SNAPC3: variants seen among roughly 807,000 people sequenced by gnomAD.
The protein encoded by SNAPC3 is snRNA-activating protein complex subunit 3.
SNAPC3 carries 56 observed loss-of-function variants against 47.7 expected under a neutral mutation model. That is an observed-to-expected ratio of 1.18 (90% CI 0.95 to 1.47). SNAPC3 has a LOEUF of 1.47. Among genes scored for constraint, SNAPC3 ranks in the 40% most tolerant of loss-of-function variants. SNAPC3 has a pLI of 0.00. For missense variants in SNAPC3, 665 were observed against 511.3 expected (o/e 1.30, Z -2.90); for synonymous variants, 235 against 189.9 (o/e 1.24, Z -1.95).
At chr9:15,436,067 C>T (rs1025962296) in intron 3 of SNAPC3, among the ~76,000 whole-genome samples, 25 of 152,172 alleles carry the variant, frequency 1.6e-4, no homozygotes, top group African/African-American at 5.6e-4. Context: ...TGGTCTCGAA[C>T]TCCTGACCTC....
intron 7 of SNAPC3, among the ~76,000 whole-genome samples, chr9:15,455,435 T>C (rs1386440300): frequency 1.3e-5 from 2 of 152,072 alleles, no homozygotes; most frequent in African/African-American, 4.8e-5. Context: ...GGTGTGGTGA[T>C]GGGCGTCTGT....
At chr9:15,454,821 C>G (rs2034653919) in intron 7 of SNAPC3, among the ~76,000 whole-genome samples, 1 of 152,162 alleles carries the variant, frequency 6.6e-6, no homozygotes, top group Non-Finnish European at 1.5e-5. Flanking sequence ...GTAGTCCTAG[C>G]TACTCGGGAG....
In SNAPC3 at chr9:15,433,645, G is replaced by C. The variant is rs754808393; in HGVS notation, c.477+9G>C. On this transcript the variant is annotated intron_variant, in intron 3 of 8. Transcript: ENST00000380821. The stretch of plus-strand genomic sequence containing the variant: ...CATTCGTTTATGAGATGGTAATTAA[G>C]AGTCTCATCTTTTTCACCCTTTTCT... 2 of 1,528,446 alleles carry C rather than the reference G, an allele frequency of 1.3e-6. No individual in the cohort carries two copies. Among genetic ancestry groups the C allele is most frequent in the African/African-American group, 1.4e-5 (1 of 72,952 alleles). 94.7% of individuals were successfully genotyped at this position (1,528,446 alleles called of 1,614,324 possible). A position where few individuals can be genotyped will look rare whatever the true frequency, so the allele number is the denominator to read the frequency against.
At chr9:15,463,931 A>G (rs2035428081), downstream of SNAPC3, 1 of 160,826 alleles carries the variant, frequency 6.2e-6, no homozygotes, top group Admixed American at 6.5e-5. Context: ...TCTTGAGCTT[A>G]CTGTTTAGTT....
At chr9:15,434,137 G>T (rs1034799040) in intron 3 of SNAPC3, among the ~76,000 whole-genome samples, 2 of 151,984 alleles carry the variant, frequency 1.3e-5, no homozygotes, top group Non-Finnish European at 2.9e-5. Context: ...CTTTTATTGT[G>T]GTAAAATTTA....
At chr9:15,441,383 C>CTTTTTTTTTTTTTTTTTTTTTTTTT (rs77103785) in intron 3 of SNAPC3, among the ~76,000 whole-genome samples, 2 of 59,572 alleles carry the variant, frequency 3.4e-5, no homozygotes, top group Admixed American at 2.9e-4. Context: ...GTTCCCTTTT[C>CTTTTTTTTTTTTTTTTTTTTTTTTT]TTTTTTTTTT....
At chr9:15,462,572 ATGT>A (rs1232257719), downstream of SNAPC3, 6 of 152,242 alleles carry the variant, frequency 3.9e-5, no homozygotes, top group East Asian at 1.2e-3. Context: ...GCAACTGAAA[ATGT>A]TGTCATGAAC....
intron 2 of SNAPC3, among the ~76,000 whole-genome samples, chr9:15,425,375 G>A (rs903762134): frequency 5.3e-5 from 8 of 151,962 alleles, no homozygotes; most frequent in Non-Finnish European, 7.4e-5. Context: ...CTGCACCCTC[G>A]GCTGCCTAAC....
chr9:15,423,258 C>G, intron 1 of SNAPC3, 65 bp downstream of exon 1: 1 of 1,447,786 alleles, frequency 6.9e-7, no homozygotes, highest in Non-Finnish European at 9.2e-7. Context: ...TGCTCGTGCG[C>G]TCCTCTGGGA....
At chr9:15,462,466 T>G (rs372920568), downstream of SNAPC3, 4 of 152,314 alleles carry the variant, frequency 2.6e-5, no homozygotes, top group South Asian at 6.2e-4. Flanking sequence ...TAAGACAGCT[T>G]TTCTCTTTTT....
At chr9:15,423,308 G>T in intron 1 of SNAPC3, 115 bp downstream of exon 1, 1 of 1,089,554 alleles carries the variant, frequency 9.2e-7, no homozygotes, top group South Asian at 1.7e-5. Context: ...ACCTGGGCTA[G>T]GAGTATTACC....
intron 6 of SNAPC3, among the ~76,000 whole-genome samples, chr9:15,452,480 G>A (rs900202601): frequency 2.0e-5 from 3 of 152,012 alleles, no homozygotes; most frequent in South Asian, 2.1e-4. Flanking sequence ...CACCACGCCC[G>A]GCTGATTTTG....
chr9:15,437,627 T>G lies in SNAPC3; in HGVS notation c.477+3991T>G, dbSNP rs72704750. Among the ~76,000 whole-genome samples the G allele has an allele frequency of 3.3e-3, 504 of 151,666 alleles. 13 individuals are homozygous for G. Among genetic ancestry groups the G allele is most frequent in the East Asian group, 1.5e-3 (8 of 5,186 alleles). ...AGTCGAGGTAATGATCTGTTGTTTT[T>G]TTTTTTTTTTTGCCCCATCATTCCA... On this transcript the variant is annotated intron_variant, in intron 3 of 8. Coordinates refer to ENST00000380821, the MANE Select transcript of SNAPC3 (RefSeq NM_001039697.2).
At chr9:15,447,299 G>GATT (rs2034014072) in intron 5 of SNAPC3, 55 bp downstream of exon 5, 1 of 1,497,948 alleles carries the variant, frequency 6.7e-7, no homozygotes, top group Admixed American at 1.7e-5. Flanking sequence ...AGAAAATAGC[G>GATT]ATTACTCTAG....
At chr9:15,442,955 A>G (rs1270373882) in intron 3 of SNAPC3, among the ~76,000 whole-genome samples, 1 of 152,244 alleles carries the variant, frequency 6.6e-6, no homozygotes, top group Non-Finnish European at 1.5e-5. Context: ...GATCACTCGC[A>G]GTTAGGAGCT....
chr9:15,450,379 A>G (rs898230826), intron 5 of SNAPC3, among the ~76,000 whole-genome samples: 2 of 152,202 alleles, frequency 1.3e-5, no homozygotes, highest in Admixed American at 6.5e-5. Context: ...GAGAAAAATT[A>G]AAATATTACG....
At chr9:15,442,041 G>C (rs971165434) in intron 3 of SNAPC3, among the ~76,000 whole-genome samples, 1 of 151,006 alleles carries the variant, frequency 6.6e-6, no homozygotes, top group Non-Finnish European at 1.5e-5. Context: ...CCTCCTGGAT[G>C]GGGCAGCTGG....
At chr9:15,459,281 A>G (rs1387719893) in intron 8 of SNAPC3, among the ~76,000 whole-genome samples, 6 of 152,244 alleles carry the variant, frequency 3.9e-5, no homozygotes, top group Admixed American at 3.9e-4. Context: ...ATAGTTTTCA[A>G]ATTAACCAGT....
intron 7 of SNAPC3, among the ~76,000 whole-genome samples, chr9:15,454,019 G>A (rs1163281202): frequency 6.6e-6 from 1 of 152,096 alleles, no homozygotes; most frequent in Non-Finnish European, 1.5e-5. Context: ...TGGGCAAATT[G>A]AGCCCAGGAG....
Sources: allele counts gnomAD v4.1 joint callset (sites outside exome capture counted in the v4.1 genomes callset), GRCh38; gene constraint gnomAD v4.1.1; transcripts MANE v1.5; gene names NCBI Gene and HGNC (gene_info 2026-07-23, HGNC 2026-07-21).